Variants in CTNNBL1 observed in about 807,000 individuals in gnomAD.
CTNNBL1 encodes the protein beta-catenin-like protein 1.
A neutral mutation model predicts 72.7 loss-of-function variants in CTNNBL1; 31 were observed. The observed-to-expected ratio is 0.43, with a 90% CI of 0.32 to 0.58. The LOEUF (loss-of-function observed/expected upper bound fraction) is 0.58. Ranked by LOEUF, CTNNBL1 falls within the 20% of genes least tolerant of loss-of-function variation. CTNNBL1 has a pLI of 0.08. For synonymous variants in CTNNBL1, 240 were observed against 267.3 expected (o/e 0.90, Z 1.00); for missense variants, 534 against 725.1 (o/e 0.74, Z 3.03).
chr20:37,725,590 C>T (rs1157132992), intron 1 of CTNNBL1, among the ~76,000 whole-genome samples: 2 of 32 alleles, frequency 0.062, no homozygotes, highest in Admixed American at 0.5. Flanking sequence ...TGAGCCACTG[C>T]GCCCAGCCGC....
chr20:37,786,704 T>C (rs1238080812), intron 10 of CTNNBL1, among the ~76,000 whole-genome samples: 1 of 152,170 alleles, frequency 6.6e-6, no homozygotes, highest in Non-Finnish European at 1.5e-5. Flanking sequence ...TCTGTTGCCC[T>C]TTTTCCAAGT....
chr20:37,733,724 TTCTC>T lies in CTNNBL1; in HGVS notation c.219+660_219+663del, dbSNP rs372257939. Among the ~76,000 whole-genome samples, 260 of 152,318 alleles carry T rather than the reference TTCTC, an allele frequency of 1.7e-3. 1 individual carries two copies. The highest frequency in any genetic ancestry group is 6.0e-3 in the African/African-American group (250 of 41,578). ...CTTTCCTATGTAGCCCTGCAAGCCA[TTCTC>T]TCATTTCCTCATTACTGTATTTTGT... On this transcript the variant is annotated intron_variant, in intron 2 of 15. Coordinates refer to ENST00000361383, the MANE Select transcript of CTNNBL1 (RefSeq NM_030877.5).
In CTNNBL1 at chr20:37,746,488, A is replaced by G. The variant is rs2122623280; in HGVS notation, c.347A>G (p.Asp116Gly). The G allele has an allele frequency of 1.2e-6, 2 of 1,613,916 alleles. No individual in the cohort carries two copies. The highest frequency in any genetic ancestry group is 1.7e-6 in the Non-Finnish European group (2 of 1,179,874). The change falls in exon 4 of 16, where the codon GAC becomes GGC. Residue 116 changes from aspartate (D) to glycine (G), a missense_variant. By Grantham distance (94) the Asp-to-Gly change is moderately conservative. Transcript: ENST00000361383. ...NPEKFMESELDLNDIIQEMHV... is the reference protein window; with the variant it reads ...NPEKFMESELGLNDIIQEMHV... ...CCTAGGTTCATGGAATCCGAGCTGG[A>G]CCTAAATGACATCATTCAGGAGATG...
chr20:37,844,199 C>T (rs1049929697), intron 13 of CTNNBL1, among the ~76,000 whole-genome samples: 6 of 152,112 alleles, frequency 3.9e-5, no homozygotes, highest in African/African-American at 7.2e-5. Context: ...ACAGAATCCC[C>T]GATGTTATCT....
At chr20:37,711,389 C>A (rs1221022672) in intron 1 of CTNNBL1, among the ~76,000 whole-genome samples, 1 of 151,510 alleles carries the variant, frequency 6.6e-6, no homozygotes, top group Non-Finnish European at 1.5e-5. Flanking sequence ...GATTAGTGCT[C>A]CATATTGAAC....
At chr20:37,770,237 C>T (rs1342979803) in intron 7 of CTNNBL1, among the ~76,000 whole-genome samples, 1 of 152,308 alleles carries the variant, frequency 6.6e-6, no homozygotes, top group East Asian at 1.9e-4. Context: ...CATTTAATTT[C>T]CTTTACATCT....
At chr20:37,700,382 C>T (rs918068530) in intron 1 of CTNNBL1, among the ~76,000 whole-genome samples, 4 of 152,156 alleles carry the variant, frequency 2.6e-5, no homozygotes, top group African/African-American at 9.7e-5. Context: ...GTGCTTACTA[C>T]ATTTCATTTT....
At chr20:37,717,014 A>G (rs1305427886) in intron 1 of CTNNBL1, among the ~76,000 whole-genome samples, 3 of 152,182 alleles carry the variant, frequency 2.0e-5, no homozygotes, top group Non-Finnish European at 2.9e-5. Context: ...TAAGTGAATA[A>G]AATGGTTAGT....
intron 7 of CTNNBL1, among the ~76,000 whole-genome samples, chr20:37,773,877 CCTGT>C (rs1356202159): frequency 4.7e-5 from 7 of 148,510 alleles, no homozygotes; most frequent in African/African-American, 1.2e-4. Flanking sequence ...TTCTTTCTTT[CCTGT>C]CTTTTTCTTC....
intron 1 of CTNNBL1, among the ~76,000 whole-genome samples, chr20:37,727,750 A>T (rs1378486997): frequency 6.6e-6 from 1 of 152,224 alleles, no homozygotes; most frequent in Non-Finnish European, 1.5e-5. Flanking sequence ...AGACACAGGG[A>T]GAGCTCAGCC....
chr20:37,698,962 C>T (rs1436180760), intron 1 of CTNNBL1, among the ~76,000 whole-genome samples: 5 of 152,124 alleles, frequency 3.3e-5, no homozygotes, highest in African/African-American at 1.2e-4. Flanking sequence ...GGGAGGATTA[C>T]TTGAGCCTGG....
At chr20:37,868,736 G>C (rs540929333) in intron 15 of CTNNBL1, among the ~76,000 whole-genome samples, 148 of 152,300 alleles carry the variant, frequency 9.7e-4, no homozygotes, top group African/African-American at 3.5e-3. Flanking sequence ...TGATGCAGGT[G>C]TGGGTTCCCT....
intron 6 of CTNNBL1, among the ~76,000 whole-genome samples, chr20:37,766,827 T>C (rs988008970): frequency 1.1e-4 from 17 of 152,352 alleles, no homozygotes; most frequent in African/African-American, 4.1e-4. Context: ...GCTTGGATTT[T>C]GTTCGAGTGA....
In CTNNBL1 at chr20:37,791,568, A is replaced by G. The variant is rs1460595349; in HGVS notation, c.1032-11299A>G. ...GGGTAAGGGGTTATTTGTCTTATTG[A>G]ATTTTAATAGTTCTTTATATATTAT... On this transcript the variant is annotated intron_variant, in intron 10 of 15. Transcript: ENST00000361383. Among the ~76,000 whole-genome samples the G allele has an allele frequency of 2.6e-5, 4 of 152,126 alleles. No individual in the cohort carries two copies. In the East Asian group the frequency reaches 5.8e-4, roughly 22 times the overall value.
chr20:37,769,169 C>A (rs879788369), intron 7 of CTNNBL1, among the ~76,000 whole-genome samples: 1 of 152,190 alleles, frequency 6.6e-6, no homozygotes, highest in East Asian at 1.9e-4. Flanking sequence ...CACTGGGGGC[C>A]TTGGATCCTA....
chr20:37,802,133 T>A (rs1310193459), intron 10 of CTNNBL1, among the ~76,000 whole-genome samples: 1 of 152,220 alleles, frequency 6.6e-6, no homozygotes, highest in African/African-American at 2.4e-5. Context: ...GTCCTTCAAC[T>A]GATAAATGGA....
At chr20:37,782,640 T>C (rs1305591216) in intron 10 of CTNNBL1, among the ~76,000 whole-genome samples, 1 of 152,190 alleles carries the variant, frequency 6.6e-6, no homozygotes, top group Non-Finnish European at 1.5e-5. Flanking sequence ...TTATTTAACA[T>C]AGTAAGTCAA....
chr20:37,810,427 C>G (rs893159659), intron 11 of CTNNBL1, among the ~76,000 whole-genome samples: 6 of 152,200 alleles, frequency 3.9e-5, no homozygotes, highest in Admixed American at 3.3e-4. Flanking sequence ...GAGGGTGGAT[C>G]TCGCATAGCC....
chr20:37,831,951 A>G (rs1897158686), intron 11 of CTNNBL1, among the ~76,000 whole-genome samples: 1 of 152,134 alleles, frequency 6.6e-6, no homozygotes. Context: ...ATGGCCAAGT[A>G]CATTTCTTTT....
Sources: gnomAD v4.1 joint callset for allele counts (sites outside exome capture counted in the v4.1 genomes callset) on GRCh38, gnomAD v4.1.1 for gene constraint, MANE v1.5 for transcripts, NCBI Gene and HGNC (gene_info 2026-07-23, HGNC 2026-07-21) for gene names.